The following TENM3 variants were observed in gnomAD, a reference collection of about 807,000 sequenced individuals.
TENM3 encodes the protein teneurin-3.
In TENM3, 63 loss-of-function variants were observed where a neutral mutation model predicts 255.1. The ratio of observed to expected loss-of-function variants is 0.25; its 90% CI spans 0.20 to 0.30. The LOEUF (loss-of-function observed/expected upper bound fraction) is 0.30. TENM3 is among the 10% of genes least tolerant of loss of function. TENM3 has a pLI of 1.00. For missense variants in TENM3, 2,929 were observed against 3,461.1 expected (o/e 0.85, Z 3.86); for synonymous variants, 1,306 against 1,322.3 (o/e 0.99, Z 0.27).
At chr4:182,621,730 A>AT (rs1561016661) in intron 4 of TENM3, among the ~76,000 whole-genome samples, 2 of 3,782 alleles carry the variant, frequency 5.3e-4, no homozygotes, top group Non-Finnish European at 1.4e-3. Flanking sequence ...TTATATATAA[A>AT]ATATATAATA....
At chr4:181,845,359 C>A in the TENM3 span, among the ~76,000 whole-genome samples, 158 of 152,240 alleles carry the variant, frequency 1.0e-3, no homozygotes, top group African/African-American at 3.6e-3. Flanking sequence ...ACCAGGAAAT[C>A]TGTAGATCAC....
At chr4:182,681,038 T>C (rs1756133137) in intron 10 of TENM3, among the ~76,000 whole-genome samples, 1 of 152,166 alleles carries the variant, frequency 6.6e-6, no homozygotes, top group East Asian at 1.9e-4. Context: ...TTTCTTTTTA[T>C]AGTTTTTTAC....
chr4:182,719,590 C>T (rs1282925337), intron 13 of TENM3, among the ~76,000 whole-genome samples: 1 of 151,944 alleles, frequency 6.6e-6, no homozygotes, highest in African/African-American at 2.4e-5. Context: ...AGAATTATTA[C>T]TTTTTGGGGG....
the TENM3 span, among the ~76,000 whole-genome samples, chr4:181,743,708 A>AT: frequency 2.0e-5 from 3 of 151,978 alleles, no homozygotes; most frequent in Admixed American, 6.6e-5. Flanking sequence ...ATAAATTTTA[A>AT]TTTTTCATCT....
chr4:182,285,504 G>A (rs557911811), intron 1 of TENM3, among the ~76,000 whole-genome samples: 1 of 152,260 alleles, frequency 6.6e-6, no homozygotes, highest in East Asian at 1.9e-4. Context: ...TAAGTTCTCA[G>A]CTATCTGGGT....
the TENM3 span, among the ~76,000 whole-genome samples, chr4:181,591,421 C>A: frequency 2.6e-4 from 39 of 152,162 alleles, no homozygotes; most frequent in African/African-American, 7.0e-4. Context: ...AAGACTTGTA[C>A]GTGAATGTTC....
chr4:181,911,596 CG>C, the TENM3 span, among the ~76,000 whole-genome samples: 2 of 152,242 alleles, frequency 1.3e-5, no homozygotes, highest in East Asian at 3.9e-4. Flanking sequence ...ATTTGAGCAA[CG>C]GTTAAAAGTA....
the TENM3 span, among the ~76,000 whole-genome samples, chr4:181,540,998 G>A: frequency 7.2e-5 from 11 of 152,172 alleles, no homozygotes; most frequent in African/African-American, 2.7e-4. Context: ...CTGTAAATCT[G>A]AAAGTGTTAT....
the TENM3 span, among the ~76,000 whole-genome samples, chr4:181,746,082 G>T: frequency 6.6e-6 from 1 of 152,090 alleles, no homozygotes; most frequent in Non-Finnish European, 1.5e-5. Context: ...AGAGGCAGAG[G>T]AATGGTGTTA....
At chr4:181,487,347 C>T in the TENM3 span, among the ~76,000 whole-genome samples, 1 of 152,084 alleles carries the variant, frequency 6.6e-6, no homozygotes, top group African/African-American at 2.4e-5. Flanking sequence ...TGCGTTTGGG[C>T]TGTTGAAACA....
intron 3 of TENM3, among the ~76,000 whole-genome samples, chr4:182,514,011 G>T (rs1737681311): frequency 6.6e-6 from 1 of 152,210 alleles, no homozygotes; most frequent in Non-Finnish European, 1.5e-5. Flanking sequence ...CTTGTTTAGG[G>T]TTTCCCCTCT....
At chr4:181,833,454 G>T in the TENM3 span, among the ~76,000 whole-genome samples, 10 of 152,132 alleles carry the variant, frequency 6.6e-5, no homozygotes, top group Non-Finnish European at 1.2e-4. Context: ...AACTAAAACA[G>T]GGGGGCAGGG....
At chr4:182,490,785 T>C (rs1735223224) in intron 3 of TENM3, among the ~76,000 whole-genome samples, 1 of 152,082 alleles carries the variant, frequency 6.6e-6, no homozygotes, top group African/African-American at 2.4e-5. Context: ...TTAAACTTGC[T>C]AACTCTTGGC....
intron 3 of TENM3, among the ~76,000 whole-genome samples, chr4:182,411,912 G>A (rs1015845621): frequency 7.2e-5 from 11 of 152,172 alleles, no homozygotes; most frequent in African/African-American, 2.7e-4. Context: ...CAACTTAAGT[G>A]TGTCCATGGC....
At chr4:182,448,065 C>G (rs1479926659) in intron 3 of TENM3, among the ~76,000 whole-genome samples, 1 of 152,236 alleles carries the variant, frequency 6.6e-6, no homozygotes, top group Non-Finnish European at 1.5e-5. Context: ...CTGTCCAGCC[C>G]TGGTATATCA....
At chr4:181,553,677 G>T in the TENM3 span, among the ~76,000 whole-genome samples, 1 of 152,012 alleles carries the variant, frequency 6.6e-6, no homozygotes, top group Non-Finnish European at 1.5e-5. Context: ...TCCTGACCTC[G>T]TGATCTGCCC....
chr4:182,276,423 A>G (rs911572558), intron 1 of TENM3, among the ~76,000 whole-genome samples: 1 of 152,194 alleles, frequency 6.6e-6, no homozygotes, highest in African/African-American at 2.4e-5. Context: ...TTGAGATAAC[A>G]TTTGTGATAA....
At chr4:181,645,294 C>T in the TENM3 span, among the ~76,000 whole-genome samples, 10 of 152,168 alleles carry the variant, frequency 6.6e-5, no homozygotes, top group Non-Finnish European at 1.0e-4. Context: ...CAGCTATCAG[C>T]CCGTTTCCCA....
chr4:181,797,540 C>T, the TENM3 span, among the ~76,000 whole-genome samples: 141 of 152,244 alleles, frequency 9.3e-4, no homozygotes, highest in Non-Finnish European at 1.7e-3. Context: ...AACTCTAACG[C>T]TGCCCCATCT....
Sources: allele counts gnomAD v4.1 joint callset (sites outside exome capture counted in the v4.1 genomes callset), GRCh38; gene constraint gnomAD v4.1.1; transcripts MANE v1.5; gene names NCBI Gene and HGNC (gene_info 2026-07-23, HGNC 2026-07-21).